Variants in MTUS1 observed in about 807,000 individuals in gnomAD.
The protein encoded by MTUS1 is microtubule-associated tumor suppressor 1.
In MTUS1, 109 loss-of-function variants were observed where a neutral mutation model predicts 120.8. That is an observed-to-expected ratio of 0.90 (90% CI 0.77 to 1.06). MTUS1 has a LOEUF of 1.06. Among genes scored for constraint, MTUS1 ranks in the 50% least tolerant of loss-of-function variants. MTUS1 has a pLI of 0.00. For synonymous variants in MTUS1, 737 were observed against 550.5 expected, an observed-to-expected ratio of 1.34 and a Z score of -4.74; for missense variants, 2,210 against 1,486.3, an observed-to-expected ratio of 1.49 and a Z score of -8.01.
intron 8 of MTUS1, among the ~76,000 whole-genome samples, chr8:17,656,475 C>T (rs189898330): frequency 6.6e-6 from 1 of 151,606 alleles, no homozygotes; most frequent in Non-Finnish European, 1.5e-5. Context: ...TTGTAGTGAG[C>T]CAAGATCACG....
chr8:17,722,571 T>C lies in MTUS1; in HGVS notation c.2449+1101A>G, dbSNP rs1392400732. On this transcript the variant is annotated intron_variant, in intron 4 of 14. Transcript: ENST00000693296. ...TGCCAGGGTATGCAGCTACTTACTC[T>C]CATATGAGTCCAGCTACTGCTGCTA... 4.1e-6 allele frequency: 4 copies of C among 985,178 alleles called. No homozygotes were observed. The South Asian group carries it at 1.4e-4, about 35-fold the overall frequency. 61.0% of individuals were successfully genotyped at this position (985,178 alleles called of 1,614,324 possible).
At chr8:17,785,652 A>G (rs115242428) in intron 1 of MTUS1, among the ~76,000 whole-genome samples, 1,988 of 152,316 alleles carry the variant, frequency 0.013, 37 homozygotes, top group African/African-American at 0.046. Flanking sequence ...GGTACACTGT[A>G]TTTTTATTCC....
intron 8 of MTUS1, among the ~76,000 whole-genome samples, chr8:17,665,861 C>G (rs1257911021): frequency 6.6e-6 from 1 of 152,140 alleles, no homozygotes; most frequent in East Asian, 1.9e-4. Context: ...GACCTTTCCC[C>G]CCCTATACTG....
At chr8:17,673,854 T>C (rs1254569490) in intron 8 of MTUS1, among the ~76,000 whole-genome samples, 3 of 152,178 alleles carry the variant, frequency 2.0e-5, no homozygotes, top group Non-Finnish European at 4.4e-5. Context: ...AGGTTGGCAG[T>C]GTGGTCTTGT....
At chr8:17,651,982 C>T (rs1046384251) in intron 12 of MTUS1, among the ~76,000 whole-genome samples, 10 of 152,180 alleles carry the variant, frequency 6.6e-5, no homozygotes, top group Non-Finnish European at 1.5e-4. Context: ...ATAAGCTCAT[C>T]TAATGTTATC....
rs549353597 is a variant in MTUS1 at position 17,703,236 on chromosome 8, T to C, written c.2623+9978A>G. On this transcript the variant is annotated intron_variant, in intron 6 of 14. Coordinates refer to ENST00000693296, the MANE Select transcript of MTUS1 (RefSeq NM_001363059.2). ...TGCGAGTAGGAGAGATATCGTTAAA[T>C]TCTTTTCCTAGCAAGGAATATAATA... Among the ~76,000 whole-genome samples the C allele has an allele frequency of 6.0e-4, 91 of 152,288 alleles. 1 individual carries two copies. Among genetic ancestry groups the C allele is most frequent in the African/African-American group, 2.0e-3 (83 of 41,554 alleles).
At chr8:17,798,478 C>T (rs1211570982) in intron 1 of MTUS1, among the ~76,000 whole-genome samples, 1 of 151,984 alleles carries the variant, frequency 6.6e-6, no homozygotes, top group Non-Finnish European at 1.5e-5. Context: ...GATTACAGAT[C>T]CATGCCAACA....
chr8:17,671,925 A>G (rs959866491), intron 8 of MTUS1, among the ~76,000 whole-genome samples: 6 of 152,084 alleles, frequency 3.9e-5, no homozygotes, highest in Non-Finnish European at 5.9e-5. Context: ...ATGCATTACT[A>G]TTTTATTCAA....
intron 8 of MTUS1, among the ~76,000 whole-genome samples, chr8:17,669,305 AG>A (rs1435948819): frequency 6.6e-6 from 1 of 152,160 alleles, no homozygotes; most frequent in Non-Finnish European, 1.5e-5. Context: ...CCGCGACGGG[AG>A]GGGAGTGGAA....
chr8:17,664,895 T>C (rs984792299), intron 8 of MTUS1, among the ~76,000 whole-genome samples: 1 of 152,060 alleles, frequency 6.6e-6, no homozygotes, highest in Non-Finnish European at 1.5e-5. Flanking sequence ...TGATGCTTTG[T>C]GGACAGGCAG....
At chr8:17,658,022 T>TATACACACACACACAC (rs776352415) in intron 8 of MTUS1, among the ~76,000 whole-genome samples, 1 of 36,360 alleles carries the variant, frequency 2.8e-5, no homozygotes, top group Non-Finnish European at 5.9e-5. Context: ...ACTATATATA[T>TATACACACACACACAC]AGACACACAC....
chr8:17,661,367 C>A (rs973319900), intron 8 of MTUS1, among the ~76,000 whole-genome samples: 2 of 152,158 alleles, frequency 1.3e-5, no homozygotes, highest in Non-Finnish European at 2.9e-5. Context: ...GGAACAAGAT[C>A]TGAACCCATC....
chr8:17,684,017 G>A (rs541479769), intron 7 of MTUS1, among the ~76,000 whole-genome samples: 57 of 152,188 alleles, frequency 3.7e-4, no homozygotes, highest in South Asian at 1.7e-3. Flanking sequence ...CACAAATTAA[G>A]TGAAAAAAAT....
chr8:17,786,926 T>C (rs2051349313), intron 1 of MTUS1, among the ~76,000 whole-genome samples: 1 of 152,340 alleles, frequency 6.6e-6, no homozygotes, highest in South Asian at 2.1e-4. Flanking sequence ...TATACTGTTT[T>C]GTATCACAGC....
chr8:17,670,222 G>C (rs902313758), intron 8 of MTUS1, among the ~76,000 whole-genome samples: 20 of 152,210 alleles, frequency 1.3e-4, no homozygotes, highest in African/African-American at 4.6e-4. Flanking sequence ...CATCAGGAAG[G>C]TCTGATTATA....
intron 3 of MTUS1, chr8:17,724,226 C>G (rs1328036885): frequency 2.5e-6 from 1 of 396,212 alleles, no homozygotes; most frequent in Non-Finnish European, 4.9e-6. Context: ...AAAAAATAAT[C>G]CATTAGGACA....
intron 6 of MTUS1, among the ~76,000 whole-genome samples, chr8:17,703,170 C>G (rs1306459845): frequency 6.6e-6 from 1 of 152,176 alleles, no homozygotes; most frequent in African/African-American, 2.4e-5. Context: ...GGGCAGAATA[C>G]AGCCATATTT....
At chr8:17,649,985 C>T (rs535096737) in intron 12 of MTUS1, 23 bp from the exon 13 acceptor site, 7 of 1,168,348 alleles carry the variant, frequency 6.0e-6, no homozygotes, top group African/African-American at 1.5e-5. Context: ...CAGCAAGATA[C>T]TGCTCTTATT....
intron 4 of MTUS1, among the ~76,000 whole-genome samples, chr8:17,720,143 G>A (rs765773771): frequency 9.2e-5 from 14 of 152,068 alleles, no homozygotes; most frequent in East Asian, 1.9e-4. Context: ...TTAGGAGTTC[G>A]AGACCATCCT....
Sources: allele counts gnomAD v4.1 joint callset (sites outside exome capture counted in the v4.1 genomes callset), GRCh38; gene constraint gnomAD v4.1.1; transcripts MANE v1.5; gene names NCBI Gene and HGNC (gene_info 2026-07-23, HGNC 2026-07-21).